The following RCL1 variants were observed in gnomAD, a reference collection of about 807,000 sequenced individuals.
RCL1 encodes RNA 3'-terminal phosphate cyclase-like protein.
RCL1 carries 24 observed loss-of-function variants against 42.4 expected under a neutral mutation model. The observed-to-expected ratio is 0.57, with a 90% CI of 0.41 to 0.80. The LOEUF is 0.80. Among genes scored for constraint, RCL1 ranks in the 30% least tolerant of loss-of-function variants. The pLI is 0.00. For missense variants in RCL1, 578 were observed against 467.9 expected (o/e 1.24, Z -2.17); for synonymous variants, 228 against 177.3 (o/e 1.29, Z -2.27).
chr9:4,805,222 AAAAC>A (rs1461390453), intron 1 of RCL1, among the ~76,000 whole-genome samples: 4 of 151,960 alleles, frequency 2.6e-5, no homozygotes, highest in Non-Finnish European at 4.4e-5. Context: ...CAAAACAAAA[AAAAC>A]AAACAAAACC....
At chr9:4,795,520 C>T (rs1587687820) in intron 1 of RCL1, among the ~76,000 whole-genome samples, 1 of 152,152 alleles carries the variant, frequency 6.6e-6, no homozygotes. Context: ...TAGTCCCTGA[C>T]ACATGATTTC....
At chr9:4,819,675 C>T (rs1417772990) in intron 1 of RCL1, among the ~76,000 whole-genome samples, 7 of 152,148 alleles carry the variant, frequency 4.6e-5, no homozygotes, top group Admixed American at 1.3e-4. Context: ...GGCGTGGTGG[C>T]ACGCGCCTGT....
chr9:4,794,168 C>T (rs1005842847), intron 1 of RCL1, among the ~76,000 whole-genome samples: 42 of 152,300 alleles, frequency 2.8e-4, no homozygotes, highest in Middle Eastern at 3.4e-3. Context: ...GCTTCCTGAG[C>T]GGCGCTGATG....
chr9:4,820,488 C>G (rs568724746), intron 1 of RCL1, among the ~76,000 whole-genome samples: 23 of 152,280 alleles, frequency 1.5e-4, no homozygotes, highest in Middle Eastern at 3.4e-3. Context: ...TCTCTTTCTA[C>G]TTTTGTTCTG....
At chr9:4,816,769 C>T (rs536033891) in intron 1 of RCL1, among the ~76,000 whole-genome samples, 1 of 152,270 alleles carries the variant, frequency 6.6e-6, no homozygotes, top group Non-Finnish European at 1.5e-5. Flanking sequence ...AACTATACTA[C>T]AATAGCCATC....
At chr9:4,857,458 G>GAA (rs34756562) in intron 8 of RCL1, among the ~76,000 whole-genome samples, 1 of 149,574 alleles carries the variant, frequency 6.7e-6, no homozygotes, top group African/African-American at 2.4e-5. Context: ...TTTTATGGCA[G>GAA]AAAAAAAAAA....
At chr9:4,825,213 A>G (rs543994592) in intron 2 of RCL1, among the ~76,000 whole-genome samples, 12 of 152,026 alleles carry the variant, frequency 7.9e-5, no homozygotes, top group Non-Finnish European at 1.3e-4. Context: ...CATACTGGCA[A>G]TGTAGATTGA....
intron 8 of RCL1, among the ~76,000 whole-genome samples, chr9:4,857,691 G>A (rs1223560555): frequency 6.6e-6 from 1 of 152,170 alleles, no homozygotes; most frequent in East Asian, 1.9e-4. Flanking sequence ...CTGCCAGGTT[G>A]TTTTCCACAG....
chr9:4,836,445 T>C (rs190908746), intron 5 of RCL1, among the ~76,000 whole-genome samples: 250 of 152,282 alleles, frequency 1.6e-3, no homozygotes, highest in African/African-American at 5.8e-3. Flanking sequence ...TGGAAATAGA[T>C]ACATGTACTG....
At chr9:4,805,196 C>G (rs1238131357) in intron 1 of RCL1, among the ~76,000 whole-genome samples, 2 of 152,046 alleles carry the variant, frequency 1.3e-5, no homozygotes, top group African/African-American at 4.8e-5. Flanking sequence ...CTACAGAAAA[C>G]AAACAAAACA....
At chr9:4,827,302 T>C (rs547760401) in intron 3 of RCL1, 1 of 1,202,402 alleles carries the variant, frequency 8.3e-7, no homozygotes, top group Non-Finnish European at 1.1e-6. Context: ...CGTCTCATCA[T>C]AGTTGACATG....
chr9:4,792,995 C>T lies in RCL1; in HGVS notation c.-97C>T, dbSNP rs979679176. On this transcript the variant is annotated 5_prime_UTR_variant, in exon 1 of 9. Transcript: ENST00000381750. ...TGGAGGCAGCCCGAGCCGCCGCCGT[C>T]GGTGTCGCCGCCACCACCACCATCG... 3.0e-5 allele frequency: 42 copies of T among 1,398,690 alleles called. No homozygotes were observed. The highest frequency in any genetic ancestry group is 2.6e-4 in the Middle Eastern group (1 of 3,888). The allele number at this position is 1,398,690 out of a possible 1,614,324, so 86.6% of individuals were successfully genotyped here. A position where few individuals can be genotyped will look rare whatever the true frequency, so the allele number is the denominator to read the frequency against.
chr9:4,834,720 G>A (rs895563080), intron 5 of RCL1, among the ~76,000 whole-genome samples: 2 of 152,016 alleles, frequency 1.3e-5, no homozygotes, highest in African/African-American at 4.8e-5. Context: ...GAGGACCTAG[G>A]GAGGCTGGAG....
At chr9:4,860,045 CT>C in intron 8 of RCL1, 79 bp from the exon 9 acceptor site, 1 of 1,011,436 alleles carries the variant, frequency 9.9e-7, no homozygotes, top group Non-Finnish European at 1.4e-6. Context: ...AGATTAAAAC[CT>C]TGGATTCTAG....
chr9:4,852,685 C>T (rs976086945), intron 8 of RCL1, among the ~76,000 whole-genome samples: 1 of 151,976 alleles, frequency 6.6e-6, no homozygotes, highest in African/African-American at 2.4e-5. Flanking sequence ...GGCAACGTGC[C>T]TGAGGAGCTG....
chr9:4,840,576 A>G (rs1454090525), intron 5 of RCL1, among the ~76,000 whole-genome samples: 1 of 152,198 alleles, frequency 6.6e-6, no homozygotes, highest in African/African-American at 2.4e-5. Context: ...AATTATCAAT[A>G]TTTTAACCAT....
chr9:4,814,656 T>TCTA (rs1300945211), intron 1 of RCL1, among the ~76,000 whole-genome samples: 1 of 152,232 alleles, frequency 6.6e-6, no homozygotes, highest in African/African-American at 2.4e-5. Flanking sequence ...TTGATGGTTT[T>TCTA]CTATAGTGAT....
At chr9:4,798,173 C>T (rs1339549849) in intron 1 of RCL1, among the ~76,000 whole-genome samples, 1 of 152,150 alleles carries the variant, frequency 6.6e-6, no homozygotes, top group Non-Finnish European at 1.5e-5. Flanking sequence ...GCGTGATGGA[C>T]CTGGGTGTTC....
chr9:4,821,185 G>T (rs566064982), intron 1 of RCL1, among the ~76,000 whole-genome samples: 1 of 152,138 alleles, frequency 6.6e-6, no homozygotes, highest in East Asian at 1.9e-4. Context: ...GCGTTTGTGA[G>T]CCTGAAGCAG....
Sources: gnomAD v4.1 joint callset for allele counts (sites outside exome capture counted in the v4.1 genomes callset) on GRCh38, gnomAD v4.1.1 for gene constraint, MANE v1.5 for transcripts, NCBI Gene and HGNC (gene_info 2026-07-23, HGNC 2026-07-21) for gene names.